PPP2R2C: variants seen among roughly 807,000 people sequenced by gnomAD.
PPP2R2C encodes protein phosphatase 2 regulatory subunit Bgamma.
Under a neutral mutation model 45.3 loss-of-function variants are expected in PPP2R2C, and 10 were observed. That is an observed-to-expected ratio of 0.22 (90% CI 0.14 to 0.37). The LOEUF is 0.37. Ranked by LOEUF, PPP2R2C falls within the 10% of genes least tolerant of loss-of-function variation. The pLI is 1.00. For missense variants in PPP2R2C, 308 were observed against 619.7 expected (o/e 0.50, Z 5.34); for synonymous variants, 257 against 245.4 (o/e 1.05, Z -0.44).
intron 1 of PPP2R2C, among the ~76,000 whole-genome samples, chr4:6,400,924 A>G (rs1348350109): frequency 6.6e-6 from 1 of 152,186 alleles, no homozygotes; most frequent in African/African-American, 2.4e-5. Flanking sequence ...CTGAGCTGGG[A>G]GTTGAGGAAC....
rs71173440 is a variant in PPP2R2C, at chr4:6,414,076, ATGTGTGTGTGTG to A, written c.71-32994_71-32983del. The A allele has an allele frequency of 5.3e-3, 4,676 of 881,650 alleles. 20 individuals carry two copies. The highest frequency in any genetic ancestry group is 6.3e-3 in the Non-Finnish European group (4,135 of 659,636). The allele number at this position is 881,650 out of a possible 1,614,324, so 54.6% of individuals were successfully genotyped here. A position where few individuals can be genotyped will look rare whatever the true frequency, so the allele number is the denominator to read the frequency against. ...ACAGTAACATAAGTTTTGCCTGTGT[ATGTGTGTGTGTG>A]TGTGTGTGTGTGTGTGTGTGTGTGT... On this transcript the variant is annotated intron_variant, in intron 1 of 8. Coordinates refer to ENST00000382599, the MANE Select transcript of PPP2R2C (RefSeq NM_020416.4).
intron 2 of PPP2R2C, among the ~76,000 whole-genome samples, chr4:6,510,980 C>CAAAAAAAAAAAAAAAA (rs752037080): frequency 2.4e-4 from 10 of 41,370 alleles, no homozygotes; most frequent in South Asian, 3.1e-3. Flanking sequence ...CCGTCTCAAA[C>CAAAAAAAAAAAAAAAA]AAAAAAAAAC....
chr4:6,350,419 G>C lies in PPP2R2C; in HGVS notation c.626-2409C>G. On this transcript the variant is annotated intron_variant, in intron 5 of 8. Transcript: ENST00000382599. The stretch of plus-strand genomic sequence containing the variant: ...GCCCATGGATAATGTGCAGTAGAGA[G>C]GCAGGGCAGAGAGGGGCTACATTCT... The C allele has an allele frequency of 4.1e-6, 4 of 985,436 alleles. 1 individual carries two copies. The South Asian group carries it at 1.9e-4, about 46-fold the overall frequency. The allele number at this position is 985,436 out of a possible 1,614,324, so 61.0% of individuals were successfully genotyped here.
At chr4:6,333,133 T>C (rs1732546765) in intron 7 of PPP2R2C, among the ~76,000 whole-genome samples, 1 of 152,192 alleles carries the variant, frequency 6.6e-6, no homozygotes, top group African/African-American at 2.4e-5. Flanking sequence ...TGTGCTCAGT[T>C]CACCTCTGCG....
At chr4:6,429,618 C>T (rs775554701) in intron 1 of PPP2R2C, among the ~76,000 whole-genome samples, 13 of 152,158 alleles carry the variant, frequency 8.5e-5, no homozygotes, top group African/African-American at 2.9e-4. Flanking sequence ...CAGCATCTAC[C>T]GTGCTGCTCC....
chr4:6,538,689 C>T (rs1212155189), intron 1 of PPP2R2C, among the ~76,000 whole-genome samples: 1 of 152,204 alleles, frequency 6.6e-6, no homozygotes, highest in Non-Finnish European at 1.5e-5. Context: ...GCGGTTGCAC[C>T]ACCCACACCA....
chr4:6,526,107 A>G (rs1172563408), intron 2 of PPP2R2C, among the ~76,000 whole-genome samples: 1 of 152,228 alleles, frequency 6.6e-6, no homozygotes, highest in Non-Finnish European at 1.5e-5. Context: ...TCTGACATGT[A>G]GGGCCCTGAC....
chr4:6,348,607 C>T (rs1560466752), intron 5 of PPP2R2C: 4 of 980,190 alleles, frequency 4.1e-6, no homozygotes, highest in African/African-American at 1.8e-5. Flanking sequence ...GGCCCCACCT[C>T]GGCTCTGATC....
chr4:6,347,823 C>A (rs774440732), intron 6 of PPP2R2C, 23 bp downstream of exon 6: 3 of 1,587,370 alleles, frequency 1.9e-6, no homozygotes, highest in South Asian at 1.1e-5. Flanking sequence ...CACAGCCCCC[C>A]ACCCCCAGGC....
chr4:6,487,507 A>G (rs924405953), intron 2 of PPP2R2C, among the ~76,000 whole-genome samples: 2 of 151,898 alleles, frequency 1.3e-5, no homozygotes, highest in African/African-American at 4.8e-5. Context: ...TTTTAATTTC[A>G]TGCTTTGAGG....
At chr4:6,369,953 T>A (rs1300724521) in intron 5 of PPP2R2C, among the ~76,000 whole-genome samples, 1 of 152,166 alleles carries the variant, frequency 6.6e-6, no homozygotes, top group Non-Finnish European at 1.5e-5. Flanking sequence ...ATAAATGAAA[T>A]GAAGCAGCAT....
Position 6,426,942 on chromosome 4 carries a change from A to G in PPP2R2C, c.70+45218T>C, listed in dbSNP as rs187258545. Among the ~76,000 whole-genome samples, 9 of 152,350 alleles carry G rather than the reference A, an allele frequency of 5.9e-5. No homozygotes were observed. In the East Asian group the frequency reaches 1.7e-3, roughly 29 times the overall value. On this transcript the variant is annotated intron_variant, in intron 1 of 8. Transcript: ENST00000382599. ...TTGAGCACCAACATGGGGAGGAACCAATTCCAAAAGCTAAGTTAATTTTGA... is the reference window on the plus strand; with the variant it reads ...TTGAGCACCAACATGGGGAGGAACCGATTCCAAAAGCTAAGTTAATTTTGA...
intron 2 of PPP2R2C, among the ~76,000 whole-genome samples, chr4:6,481,426 C>G (rs189898924): frequency 4.6e-5 from 7 of 152,302 alleles, no homozygotes; most frequent in Admixed American, 2.6e-4. Context: ...CCTTTTCCCA[C>G]TGATTTAAAA....
chr4:6,378,399 C>G lies in PPP2R2C; in HGVS notation c.334+8G>C, dbSNP rs201598243. On this transcript the variant is annotated splice_region_variant and intron_variant, in intron 3 of 8. Coordinates refer to ENST00000382599, the MANE Select transcript of PPP2R2C (RefSeq NM_020416.4). This position sits in a 1 kb window ranked among gnomAD's most constrained non-coding sequence, Gnocchi z 5.2. ...TGCCCATGCAAGCGAGGCCGGGCAG[C>G]GCCTCACCGTTGGTGGACAGGAGTG... 1 of 1,614,080 alleles carries G rather than the reference C, an allele frequency of 6.2e-7. No homozygotes were observed. The highest frequency in any genetic ancestry group is 1.1e-5 in the South Asian group (1 of 91,082).
intron 2 of PPP2R2C, among the ~76,000 whole-genome samples, chr4:6,530,107 T>C (rs1724344611): frequency 1.3e-5 from 2 of 151,618 alleles, no homozygotes; most frequent in South Asian, 4.2e-4. Flanking sequence ...GCAACAAGAG[T>C]AACGATTCTC....
chr4:6,360,388 G>A (rs1257628740), intron 5 of PPP2R2C, among the ~76,000 whole-genome samples: 1 of 152,194 alleles, frequency 6.6e-6, no homozygotes, highest in East Asian at 1.9e-4. Context: ...GGGGATGCTG[G>A]GTGCAGAGCA....
intron 2 of PPP2R2C, among the ~76,000 whole-genome samples, chr4:6,513,348 G>A (rs538500060): frequency 9.8e-5 from 15 of 152,294 alleles, no homozygotes; most frequent in African/African-American, 3.1e-4. Flanking sequence ...TCTTTTCAAG[G>A]AGCAGTGGTG....
chr4:6,341,969 G>A (rs1266520437), intron 6 of PPP2R2C, among the ~76,000 whole-genome samples: 3 of 151,976 alleles, frequency 2.0e-5, no homozygotes, highest in Non-Finnish European at 2.9e-5. Flanking sequence ...AATGAGAAGT[G>A]CGTATACAGT....
At chr4:6,548,887 T>A (rs1454816524) in intron 1 of PPP2R2C, among the ~76,000 whole-genome samples, 1 of 152,134 alleles carries the variant, frequency 6.6e-6, no homozygotes, top group Non-Finnish European at 1.5e-5. Context: ...GCCTCGCACC[T>A]CCTTCTGCCC....
Sources: allele counts gnomAD v4.1 joint callset (sites outside exome capture counted in the v4.1 genomes callset), GRCh38; gene constraint gnomAD v4.1.1; non-coding constraint Gnocchi (gnomAD v3.1); transcripts MANE v1.5; gene names NCBI Gene and HGNC (gene_info 2026-07-23, HGNC 2026-07-21).